FARSB: variants seen among roughly 807,000 people sequenced by gnomAD.
FARSB encodes the protein phenylalanine--tRNA ligase beta subunit.
A neutral mutation model predicts 69.6 loss-of-function variants in FARSB; 40 were observed. The observed-to-expected ratio is 0.57, with a 90% CI of 0.45 to 0.75. The LOEUF (loss-of-function observed/expected upper bound fraction) is 0.75, where lower values mean the gene tolerates loss of function less well. Ranked by LOEUF, FARSB falls within the 30% of genes least tolerant of loss-of-function variation. The pLI is 0.00. For missense variants in FARSB, 632 were observed against 722.9 expected, an observed-to-expected ratio of 0.87 and a Z score of 1.44; for synonymous variants, 235 against 247.2, an observed-to-expected ratio of 0.95 and a Z score of 0.46.
chr2:222,640,916 C>T lies in FARSB; in HGVS notation c.285G>A (p.Val95=), dbSNP rs374198253. 17 of 1,519,772 alleles carry T rather than the reference C, an allele frequency of 1.1e-5. No individual in the cohort carries two copies. The highest frequency in any genetic ancestry group is 1.1e-4 in the African/African-American group (8 of 72,132). 94.1% of individuals were successfully genotyped at this position (1,519,772 alleles called of 1,614,324 possible). Residue 95 remains valine, a synonymous_variant, in exon 4 of 17, where the codon GTG becomes GTA. Coordinates refer to ENST00000281828, the MANE Select transcript of FARSB (RefSeq NM_005687.5). ...TTCCATCAGGCATTACCCGTTTATA[C>T]ACTGGAGCCTTTATCCTAAAATAAT... ...QVFKERIKAP[V]YKRVMPDGKI...
At chr2:222,582,365 A>G (rs1689991295) in intron 16 of FARSB, among the ~76,000 whole-genome samples, 3 of 152,208 alleles carry the variant, frequency 2.0e-5, no homozygotes, top group Non-Finnish European at 4.4e-5. Flanking sequence ...AGAGTAGAAG[A>G]GAATATGAAC....
At chr2:222,639,921 T>A (rs1409784737) in intron 4 of FARSB, among the ~76,000 whole-genome samples, 2 of 152,210 alleles carry the variant, frequency 1.3e-5, no homozygotes, top group African/African-American at 2.4e-5. Context: ...ATTAAATAAT[T>A]GAGAAAAAGT....
chr2:222,629,073 C>T (rs1691350010), intron 9 of FARSB, among the ~76,000 whole-genome samples, 185 bp from the exon 10 acceptor site: 2 of 152,080 alleles, frequency 1.3e-5, no homozygotes, highest in African/African-American at 4.8e-5. Context: ...GTTTCATCTC[C>T]TAGGGCTCCG....
intron 10 of FARSB, among the ~76,000 whole-genome samples, chr2:222,625,956 G>C (rs1691256981): frequency 6.6e-6 from 1 of 152,090 alleles, no homozygotes; most frequent in South Asian, 2.1e-4. Context: ...CATACAAGAA[G>C]TAACAAATGG....
chr2:222,579,155 T>C (rs1283917278), intron 16 of FARSB, among the ~76,000 whole-genome samples: 4 of 152,092 alleles, frequency 2.6e-5, no homozygotes, highest in Non-Finnish European at 4.4e-5. Flanking sequence ...AGGCAAGCAA[T>C]AGTAGAGGCT....
rs756617798 is a variant in FARSB, at chr2:222,624,510, C to A, written c.963-31G>T. On this transcript the variant is annotated intron_variant, in intron 11 of 16. Coordinates refer to ENST00000281828, the MANE Select transcript of FARSB (RefSeq NM_005687.5). ...AAAGGAATGAACAAACCATAAACTT[C>A]ATTGGATTATTTTTTTAATGTTTAC... The A allele has an allele frequency of 1.1e-5, 15 of 1,421,980 alleles. No homozygotes were observed. The African/African-American group carries it at 1.7e-4, about 16-fold the overall frequency. The allele number at this position is 1,421,980 out of a possible 1,614,324, so 88.1% of individuals were successfully genotyped here.
chr2:222,588,066 AT>A (rs1230887687), intron 16 of FARSB, among the ~76,000 whole-genome samples: 5 of 152,346 alleles, frequency 3.3e-5, no homozygotes, highest in Admixed American at 3.3e-4. Context: ...AAAAAAGAGA[AT>A]TTTAGACCAA....
chr2:222,653,085 C>T (rs748270868), intron 1 of FARSB, among the ~76,000 whole-genome samples: 4 of 152,100 alleles, frequency 2.6e-5, no homozygotes, highest in East Asian at 1.9e-4. Context: ...TATTACACCA[C>T]GCCAGAACAG....
chr2:222,577,490 G>C (rs1286817109), intron 16 of FARSB, among the ~76,000 whole-genome samples: 1 of 152,106 alleles, frequency 6.6e-6, no homozygotes, highest in Admixed American at 6.5e-5. Flanking sequence ...GAGGGAACTG[G>C]TACCTACTTA....
chr2:222,636,236 C>G (rs1482862736), intron 5 of FARSB, among the ~76,000 whole-genome samples: 6 of 151,938 alleles, frequency 3.9e-5, no homozygotes, highest in Non-Finnish European at 8.8e-5. Context: ...GAAACCCCGT[C>G]TCTACTAAAA....
chr2:222,615,027 A>C (rs1391182962), intron 14 of FARSB, among the ~76,000 whole-genome samples: 1 of 152,182 alleles, frequency 6.6e-6, no homozygotes, highest in Non-Finnish European at 1.5e-5. Context: ...TAACTAAAGC[A>C]AATGTGAAAG....
At chr2:222,578,986 A>G (rs1473848872) in intron 16 of FARSB, among the ~76,000 whole-genome samples, 1 of 152,182 alleles carries the variant, frequency 6.6e-6, no homozygotes, top group Non-Finnish European at 1.5e-5. Context: ...CATCTCAAAA[A>G]CAAAGAAAAG....
At chr2:222,651,195 A>G (rs1574958439) in intron 1 of FARSB, among the ~76,000 whole-genome samples, 1 of 152,202 alleles carries the variant, frequency 6.6e-6, no homozygotes, top group African/African-American at 2.4e-5. Context: ...GAAGAGGCGG[A>G]AGGCTTAGCA....
At chr2:222,611,609 G>A (rs1690855761) in intron 15 of FARSB, among the ~76,000 whole-genome samples, 2 of 152,074 alleles carry the variant, frequency 1.3e-5, no homozygotes, top group African/African-American at 2.4e-5. Context: ...CAACACACCT[G>A]GCCACCTAGG....
At chr2:222,655,867 C>G in intron 1 of FARSB, 149 bp downstream of exon 1, 1 of 651,596 alleles carries the variant, frequency 1.5e-6, no homozygotes, top group Non-Finnish European at 2.8e-6. Context: ...CCAGCCGGAC[C>G]GCCACCATCA....
chr2:222,641,536 G>C (rs1458015415), intron 3 of FARSB, among the ~76,000 whole-genome samples: 7 of 152,202 alleles, frequency 4.6e-5, no homozygotes, highest in African/African-American at 1.7e-4. Context: ...TGATTAATAG[G>C]TGTTGGGTGG....
chr2:222,613,828 A>C lies in FARSB; in HGVS notation c.1445T>G (p.Ile482Arg). The change falls in exon 15 of 17, where the codon ATA (isoleucine) becomes AGA (arginine). Residue 482 changes from isoleucine to arginine, a missense_variant. Ile to Arg is a moderately conservative substitution (Grantham distance 97, BLOSUM62 -3). Transcript: ENST00000281828. ...LKLFEISDIV[I>R]KDSNTDVGAK... is the part of the protein sequence containing the mutation. ...ATTCTTACCTGTATTAGAATCTTTT[A>C]TTACAATGTCAGAGATTTCAAACAG... 6.3e-7 allele frequency: 1 copy of C among 1,588,530 alleles called. No homozygotes were observed. Among genetic ancestry groups the C allele is most frequent in the Non-Finnish European group, 8.6e-7 (1 of 1,156,608 alleles).
At position 222,571,411 on chromosome 2, in the gene FARSB, AATG is replaced by A; in HGVS notation, c.*457_*459del. 1 of 152,414 alleles carries A rather than the reference AATG, an allele frequency of 6.6e-6. No homozygotes were observed. Among genetic ancestry groups the A allele is most frequent in the East Asian group, 1.9e-4 (1 of 5,208 alleles). The allele number at this position is 152,414 out of a possible 1,614,324, so 9.4% of individuals were successfully genotyped here. A position where few individuals can be genotyped will look rare whatever the true frequency, so the allele number is the denominator to read the frequency against. On this transcript the variant is annotated 3_prime_UTR_variant, in exon 17 of 17. Coordinates refer to ENST00000281828, the MANE Select transcript of FARSB (RefSeq NM_005687.5). The stretch of plus-strand genomic sequence containing the variant: ...AAATATTGTTATTTTAGTGTTTCTC[AATG>A]ATGAATACATGTCAAATGTAGAAAA...
intron 16 of FARSB, among the ~76,000 whole-genome samples, chr2:222,591,918 C>G (rs1028956908): frequency 1.3e-5 from 2 of 152,026 alleles, no homozygotes; most frequent in African/African-American, 2.4e-5. Context: ...TAAATGTGTT[C>G]AAAATAAAGG....
Sources: gnomAD v4.1 joint callset for allele counts (sites outside exome capture counted in the v4.1 genomes callset) on GRCh38, gnomAD v4.1.1 for gene constraint, MANE v1.5 for transcripts, NCBI Gene and HGNC (gene_info 2026-07-23, HGNC 2026-07-21) for gene names.